FANCC: variants seen among roughly 807,000 people sequenced by gnomAD.
The protein encoded by FANCC is Fanconi anemia group C protein.
A neutral mutation model predicts 71.3 loss-of-function variants in FANCC; 55 were observed. That is an observed-to-expected ratio of 0.77 (90% CI 0.62 to 0.97). The LOEUF (loss-of-function observed/expected upper bound fraction) is 0.97, where lower values mean the gene tolerates loss of function less well. Among genes scored for constraint, FANCC ranks in the 50% least tolerant of loss-of-function variants. The pLI, the probability that FANCC is intolerant of heterozygous loss-of-function variation, is 0.00. For missense variants in FANCC, 678 were observed against 670.9 expected (o/e 1.01, Z -0.12); for synonymous variants, 275 against 244.9 (o/e 1.12, Z -1.15).
At chr9:95,293,323 G>A in intron 1 of FANCC, 1 of 1,610,776 alleles carries the variant, frequency 6.2e-7, no homozygotes, top group Non-Finnish European at 8.5e-7. Context: ...AGCCTGTGGT[G>A]TTAGGTGTTG....
chr9:95,284,904 A>ACACAC (rs1564827062), intron 1 of FANCC, among the ~76,000 whole-genome samples: 2 of 150,942 alleles, frequency 1.3e-5, no homozygotes, highest in African/African-American at 4.9e-5. Flanking sequence ...ACACACACAC[A>ACACAC]AACATACGCA....
chr9:95,240,823 GA>G, intron 3 of FANCC, 80 bp from the exon 4 acceptor site: 1 of 835,240 alleles, frequency 1.2e-6, no homozygotes, highest in South Asian at 1.5e-5. Flanking sequence ...TTATATTTAG[GA>G]AAATCTCAAA....
rs559213811 is a variant in FANCC at position 95,183,236 on chromosome 9, G to A, written c.346-11089C>T. 8.5e-5 allele frequency among the ~76,000 whole-genome samples: 13 copies of A among 152,238 alleles called. No homozygotes were observed. In the East Asian group the frequency reaches 2.5e-3, roughly 29 times the overall value. On this transcript the variant is annotated intron_variant, in intron 4 of 14. Transcript: ENST00000289081. ...TCTTGACTGGGCAAGATGTTGTTCT[G>A]GAGTCTCTGTGGTTCCTCCCTTGTG...
At chr9:95,108,690 T>G (rs760749030) in intron 13 of FANCC, among the ~76,000 whole-genome samples, 1 of 152,186 alleles carries the variant, frequency 6.6e-6, no homozygotes, top group East Asian at 1.9e-4. Flanking sequence ...CTATGGAAAA[T>G]TTGAAAAGAG....
intron 9 of FANCC, 40 bp from the exon 10 acceptor site, chr9:95,125,225 T>C: frequency 6.5e-7 from 1 of 1,536,232 alleles, no homozygotes; most frequent in Non-Finnish European, 9.0e-7. Flanking sequence ...GTTTAACAAG[T>C]AATCCGGCAA....
At chr9:95,194,918 G>A (rs1470018537) in intron 4 of FANCC, among the ~76,000 whole-genome samples, 1 of 151,978 alleles carries the variant, frequency 6.6e-6, no homozygotes, top group Non-Finnish European at 1.5e-5. Flanking sequence ...TGCCTAGTTT[G>A]GCCAGGCTTG....
At chr9:95,212,540 G>A (rs796713814) in intron 4 of FANCC, among the ~76,000 whole-genome samples, 64 of 152,142 alleles carry the variant, frequency 4.2e-4, no homozygotes, top group African/African-American at 1.5e-3. Flanking sequence ...GCCTCTTTCC[G>A]AGAAACCAAA....
At position 95,190,285 on chromosome 9, in the gene FANCC, C is replaced by T. The variant is rs541026716; in HGVS notation, c.346-18138G>A. On this transcript the variant is annotated intron_variant, in intron 4 of 14. Transcript: ENST00000289081. ...TCCACTCCTACCTCGCCAGGACCCT[C>T]CGCAGCAGTGACCCGCGTCATTGCT... 9.2e-5 allele frequency among the ~76,000 whole-genome samples: 14 copies of T among 152,258 alleles called. No homozygotes were observed. In the South Asian group the frequency reaches 2.9e-3, roughly 32 times the overall value.
intron 1 of FANCC, among the ~76,000 whole-genome samples, chr9:95,250,648 C>T (rs1173468090): frequency 6.6e-6 from 1 of 152,182 alleles, no homozygotes; most frequent in Non-Finnish European, 1.5e-5. Flanking sequence ...AATGTCCATG[C>T]CTCCTCATTG....
chr9:95,269,937 AG>A (rs1832625419), intron 1 of FANCC, among the ~76,000 whole-genome samples: 2 of 152,176 alleles, frequency 1.3e-5, no homozygotes. Context: ...GAGTTCCCTT[AG>A]TATTTATTGA....
intron 1 of FANCC, chr9:95,293,888 C>A: frequency 6.2e-7 from 1 of 1,602,668 alleles, no homozygotes; most frequent in East Asian, 2.2e-5. Context: ...TGTGCAGAGA[C>A]ATTTTTGAGT....
rs182279509 is a variant in FANCC at position 95,155,355 on chromosome 9, G to A, written c.522-5268C>T. 2.8e-3 allele frequency among the ~76,000 whole-genome samples: 246 copies of A among 89,152 alleles called. 23 individuals are homozygous for A. The East Asian group carries it at 0.092, about 33-fold the overall frequency. The allele number at this position is 89,152 out of a possible 152,430, so 58.5% of individuals were successfully genotyped here. A position where few individuals can be genotyped will look rare whatever the true frequency, so the allele number is the denominator to read the frequency against. On this transcript the variant is annotated intron_variant, in intron 6 of 14. Coordinates refer to ENST00000289081, the MANE Select transcript of FANCC (RefSeq NM_000136.3). ...GAAGGAAGGGAGGAAGGGAGGGAGG[G>A]AGGGAGGGAGGGAGGGAGGAAAAAG...
chr9:95,190,604 G>A (rs1827029006), intron 4 of FANCC, among the ~76,000 whole-genome samples: 1 of 152,160 alleles, frequency 6.6e-6, no homozygotes, highest in Non-Finnish European at 1.5e-5. Context: ...ACTCAGCGGT[G>A]CCCTGGGCTG....
chr9:95,157,889 C>A (rs911012128), intron 6 of FANCC, among the ~76,000 whole-genome samples: 5 of 152,166 alleles, frequency 3.3e-5, no homozygotes, highest in African/African-American at 1.2e-4. Context: ...AAGATATAAT[C>A]TGCAGCCATG....
chr9:95,139,332 G>C (rs1443062703), intron 7 of FANCC, among the ~76,000 whole-genome samples: 1 of 152,188 alleles, frequency 6.6e-6, no homozygotes. Flanking sequence ...CTCACAGGCA[G>C]GCAGGCACTG....
At chr9:95,171,267 C>T in intron 5 of FANCC, 124 bp from the exon 6 acceptor site, 1 of 755,706 alleles carries the variant, frequency 1.3e-6, no homozygotes, top group Non-Finnish European at 2.3e-6. Flanking sequence ...TCATGTTTCA[C>T]TCTGTCAGAG....
At chr9:95,292,481 G>C (rs866585060) in intron 1 of FANCC, 1 of 1,345,352 alleles carries the variant, frequency 7.4e-7, no homozygotes, top group Non-Finnish European at 9.5e-7. Flanking sequence ...GGGGCAGCCG[G>C]CCGCGGCCCG....
At chr9:95,232,641 T>C (rs914397990) in intron 4 of FANCC, among the ~76,000 whole-genome samples, 2 of 152,178 alleles carry the variant, frequency 1.3e-5, no homozygotes, top group African/African-American at 4.8e-5. Context: ...AACAATGTTA[T>C]CTCAAAACAC....
intron 3 of FANCC, among the ~76,000 whole-genome samples, chr9:95,246,308 C>T (rs533510098): frequency 4.2e-4 from 64 of 152,298 alleles, no homozygotes; most frequent in South Asian, 8.3e-4. Flanking sequence ...TGGGCGTCCA[C>T]GCACGCCTGC....
Sources: gnomAD v4.1 joint callset for allele counts (sites outside exome capture counted in the v4.1 genomes callset) on GRCh38, gnomAD v4.1.1 for gene constraint, MANE v1.5 for transcripts, NCBI Gene and HGNC (gene_info 2026-07-23, HGNC 2026-07-21) for gene names.